TAF6: variants seen among roughly 807,000 people sequenced by gnomAD.
TAF6 encodes TATA-box binding protein associated factor 6.
A neutral mutation model predicts 73.5 loss-of-function variants in TAF6; 50 were observed. That is an observed-to-expected ratio of 0.68 (90% CI 0.54 to 0.86). The LOEUF (loss-of-function observed/expected upper bound fraction) is 0.86, where lower values mean the gene tolerates loss of function less well. Among genes scored for constraint, TAF6 ranks in the 40% least tolerant of loss-of-function variants. TAF6 has a pLI of 0.00. For synonymous variants in TAF6, 424 were observed against 376.7 expected, an observed-to-expected ratio of 1.13 and a Z score of -1.45; for missense variants, 768 against 899.5, an observed-to-expected ratio of 0.85 and a Z score of 1.87.
At chr7:100,113,264 CAG>C in intron 5 of TAF6, 83 bp downstream of exon 5, 1 of 1,305,426 alleles carries the variant, frequency 7.7e-7, no homozygotes, top group Non-Finnish European at 1.0e-6. Context: ...GCACAGGCAA[CAG>C]AGTGAGACTC....
chr7:100,119,659 C>G (rs1797963123), upstream of TAF6: 1 of 1,610,964 alleles, frequency 6.2e-7, no homozygotes, highest in Non-Finnish European at 8.5e-7. Context: ...TTAAGGTTGC[C>G]GCTAGCCGCC....
In TAF6 at chr7:100,113,850, C is replaced by T. The variant is rs745359468; in HGVS notation, c.243+18G>A. ...AGGATGGCGTCTCACCCCCCCCCCGCCTGTCTCCCCAAATCACCTCGACAT... is the reference window on the plus strand; with the variant it reads ...AGGATGGCGTCTCACCCCCCCCCCGTCTGTCTCCCCAAATCACCTCGACAT... On this transcript the variant is annotated intron_variant, in intron 3 of 14. Coordinates refer to ENST00000453269, the MANE Select transcript of TAF6 (RefSeq NM_139315.3). 1 of 1,611,420 alleles carries T rather than the reference C, an allele frequency of 6.2e-7. No homozygotes were observed. Among genetic ancestry groups the T allele is most frequent in the South Asian group, 1.1e-5 (1 of 90,884 alleles).
chr7:100,110,323 T>C (rs1413788274), intron 10 of TAF6, 49 bp from the exon 11 acceptor site: 1 of 1,595,980 alleles, frequency 6.3e-7, no homozygotes, highest in African/African-American at 1.3e-5. Context: ...GAAAGGATGA[T>C]TGACAGGGAC....
Position 100,113,651 on chromosome 7 carries a change from G to C in TAF6, c.362C>G (p.Pro121Arg). The C allele has an allele frequency of 6.2e-7, 1 of 1,614,140 alleles. No individual in the cohort carries two copies. The highest frequency in any genetic ancestry group is 8.5e-7 in the Non-Finnish European group (1 of 1,180,028). The change falls in exon 4 of 15, where the codon CCT becomes CGT. Residue 121 changes from proline (P) to arginine (R), a missense_variant. Coordinates refer to ENST00000453269, the MANE Select transcript of TAF6 (RefSeq NM_139315.3). ...EVDLSDIINT[P>R]LPRVPLDVCL... The stretch of plus-strand genomic sequence containing the variant: ...GACGTCCAGGGGCACCCGGGGCAGA[G>C]GGGTATTGATGATGTCGCTCAGATC...
Position 100,107,494 on chromosome 7 carries a change from C to T in TAF6, c.1786G>A (p.Ala596Thr). The change falls in exon 15 of 15, where the codon GCT becomes ACT. Residue 596 changes from alanine (A) to threonine (T), a missense_variant. Coordinates refer to ENST00000453269, the MANE Select transcript of TAF6 (RefSeq NM_139315.3). The stretch of plus-strand genomic sequence containing the variant: ...TGGACACTCCCAGGACCAGAGGGAG[C>T]AGTGCTGGGGGGTGCGGTGGTGGCG... ...STATTAPPST[A>T]PSGPGSVQKY... 1.2e-6 allele frequency: 2 copies of T among 1,614,000 alleles called. No individual in the cohort carries two copies. The highest frequency in any genetic ancestry group is 1.7e-6 in the Non-Finnish European group (2 of 1,179,958).
intron 6 of TAF6, among the ~76,000 whole-genome samples, chr7:100,112,486 G>A (rs1797280041): frequency 6.6e-6 from 1 of 152,166 alleles, no homozygotes; most frequent in South Asian, 2.1e-4. Flanking sequence ...GCCAAGGCGG[G>A]CGGATCACAT....
chr7:100,117,581 C>G (rs545565499), intron 1 of TAF6, among the ~76,000 whole-genome samples: 3 of 151,236 alleles, frequency 2.0e-5, no homozygotes, highest in Admixed American at 6.6e-5. Flanking sequence ...CGACAGAGCT[C>G]TTTATTATGT....
chr7:100,124,871 G>A, the TAF6 span: 1 of 1,599,086 alleles, frequency 6.3e-7, no homozygotes, highest in Non-Finnish European at 8.5e-7. Flanking sequence ...CCCCAAACTT[G>A]ACCGAGAAGA....
At chr7:100,112,560 C>G (rs1175404625) in intron 6 of TAF6, among the ~76,000 whole-genome samples, 2 of 151,940 alleles carry the variant, frequency 1.3e-5, no homozygotes, top group Non-Finnish European at 2.9e-5. Flanking sequence ...AAAAAAATTA[C>G]AAAAATTAGC....
upstream of TAF6, chr7:100,124,632 G>T: frequency 1.2e-6 from 2 of 1,612,870 alleles, no homozygotes; most frequent in African/African-American, 1.3e-5. Context: ...GCTGAAACTG[G>T]TAAGCGTAAG....
chr7:100,123,809 T>C (rs1798145135), upstream of TAF6, among the ~76,000 whole-genome samples: 1 of 152,192 alleles, frequency 6.6e-6, no homozygotes, highest in Non-Finnish European at 1.5e-5. Flanking sequence ...CATGAGCCAT[T>C]GGGCCCTGCC....
upstream of TAF6, chr7:100,124,581 C>G: frequency 6.2e-7 from 1 of 1,613,134 alleles, no homozygotes; most frequent in South Asian, 1.1e-5. Flanking sequence ...CAGGAGCAGC[C>G]CCTACAAAAT....
chr7:100,110,856 C>A (rs894952151), intron 10 of TAF6, among the ~76,000 whole-genome samples: 3 of 151,860 alleles, frequency 2.0e-5, no homozygotes, highest in Non-Finnish European at 4.4e-5. Context: ...GTGGCAGGTG[C>A]CTGTAATCCC....
the TAF6 span, chr7:100,125,090 C>T: frequency 1.7e-6 from 1 of 574,084 alleles, no homozygotes; most frequent in Admixed American, 3.3e-5. Context: ...GGGTGGAGGT[C>T]CTGCTCCTAG....
At chr7:100,119,664 G>A (rs1292648412), upstream of TAF6, 1 of 1,611,582 alleles carries the variant, frequency 6.2e-7, no homozygotes, top group Non-Finnish European at 8.5e-7. Flanking sequence ...GTTGCCGCTA[G>A]CCGCCTGGGA....
At chr7:100,123,599 C>A (rs1022779679), upstream of TAF6, among the ~76,000 whole-genome samples, 1 of 152,078 alleles carries the variant, frequency 6.6e-6, no homozygotes, top group Non-Finnish European at 1.5e-5. Context: ...CGGCTCACCG[C>A]GACCTCCGCC....
intron 1 of TAF6, among the ~76,000 whole-genome samples, chr7:100,116,245 A>C (rs950510346): frequency 2.0e-5 from 3 of 152,062 alleles, no homozygotes; most frequent in African/African-American, 7.2e-5. Context: ...GGGCAGGTGC[A>C]GTGGCTCAGC....
chr7:100,122,601 A>G (rs780546337), upstream of TAF6: 8 of 1,570,336 alleles, frequency 5.1e-6, no homozygotes, highest in Non-Finnish European at 6.9e-6. Flanking sequence ...CCAGGGCAGG[A>G]CCCCACTTCT....
chr7:100,119,768 A>G (rs769705885), upstream of TAF6: 3 of 1,613,938 alleles, frequency 1.9e-6, no homozygotes, highest in Non-Finnish European at 2.5e-6. Context: ...GGTTGGGAAT[A>G]TTGCTTTTCC....
Sources: gnomAD v4.1 joint callset for allele counts (sites outside exome capture counted in the v4.1 genomes callset) on GRCh38, gnomAD v4.1.1 for gene constraint, MANE v1.5 for transcripts, NCBI Gene and HGNC (gene_info 2026-07-23, HGNC 2026-07-21) for gene names.